WDR33: variants seen among roughly 807,000 people sequenced by gnomAD.
WDR33 encodes WD repeat domain 33.
Under a neutral mutation model 164.9 loss-of-function variants are expected in WDR33, and 47 were observed. That is an observed-to-expected ratio of 0.29 (90% CI 0.23 to 0.36). The LOEUF (loss-of-function observed/expected upper bound fraction) is 0.36. Ranked by LOEUF, WDR33 falls within the 10% of genes least tolerant of loss-of-function variation. The probability of loss-of-function intolerance (pLI) is 1.00; values close to 1 mark genes in which losing one functional copy is unlikely to be tolerated. For synonymous variants in WDR33, 505 were observed against 589.0 expected (o/e 0.86, Z 2.06); for missense variants, 1,137 against 1,754.1 (o/e 0.65, Z 6.28).
chr2:127,741,894 G>A lies in WDR33; in HGVS notation c.725-15117C>T, dbSNP rs1207436503. ...CTAGAAATTCTTGAAAAGTAAACATGCAGTTGATAAAAATAACACTTTCCG... is the reference window on the plus strand; with the variant it reads ...CTAGAAATTCTTGAAAAGTAAACATACAGTTGATAAAAATAACACTTTCCG... On this transcript the variant is annotated intron_variant, in intron 7 of 21. Coordinates refer to ENST00000322313, the MANE Select transcript of WDR33 (RefSeq NM_018383.5). This position sits in a 1 kb window ranked among gnomAD's most constrained non-coding sequence, Gnocchi z 4.1. Among the ~76,000 whole-genome samples the A allele has an allele frequency of 1.3e-5, 2 of 152,114 alleles. No individual in the cohort carries two copies. The highest frequency in any genetic ancestry group is 2.9e-5 in the Non-Finnish European group (2 of 68,028).
intron 7 of WDR33, among the ~76,000 whole-genome samples, chr2:127,729,462 GCAGA>G (rs1250072628): frequency 6.6e-6 from 1 of 151,854 alleles, no homozygotes; most frequent in Non-Finnish European, 1.5e-5. Flanking sequence ...ATAGTACCTA[GCAGA>G]CAGTGAATTG....
chr2:127,701,363 G>T lies in WDR33; in HGVS notation c.*4960C>A. On this transcript the variant is annotated 3_prime_UTR_variant, in exon 22 of 22. Transcript: ENST00000322313. ...CAGCACCTGCGACCACGGTACTTGG[G>T]GACACCACAAAAGTCCGCAGAGCAG... The T allele has an allele frequency of 1.8e-6, 1 of 565,400 alleles. No individual in the cohort carries two copies. 35.0% of individuals were successfully genotyped at this position (565,400 alleles called of 1,614,324 possible).
chr2:127,791,116 A>G (rs962069886), intron 1 of WDR33, among the ~76,000 whole-genome samples: 10 of 151,610 alleles, frequency 6.6e-5, no homozygotes, highest in African/African-American at 2.2e-4. Flanking sequence ...AAATTGCCCT[A>G]CTTCTATAAA....
At chr2:127,727,562 T>C (rs943650088) in intron 7 of WDR33, among the ~76,000 whole-genome samples, 3 of 152,106 alleles carry the variant, frequency 2.0e-5, no homozygotes, top group Non-Finnish European at 4.4e-5. Context: ...TCCCTGAGCC[T>C]GGTCCATGGG....
rs772396628 is a variant in WDR33, at chr2:127,713,697, T to C, written c.3194A>G (p.Asp1065Gly). ...PPDHREFSEG[D>G]GRGAARGPPG... ...AGGGCCTCGGGCTGCACCCCGGCCA[T>C]CCCCCTCGCTGAATTCCCTGTGATC... Residue 1065 changes from aspartate (D) to glycine (G), a missense_variant, in exon 18 of 22, where the codon GAT (aspartate) becomes GGT (glycine). This residue lies in a region of WDR33 where 867 missense variants were observed against 1,073.0 expected (regional missense o/e 0.81). Coordinates refer to ENST00000322313, the MANE Select transcript of WDR33 (RefSeq NM_018383.5). The surrounding 1 kb of genome is among the most constrained non-coding windows in gnomAD (Gnocchi z 6.2). 3 of 1,614,124 alleles carry C rather than the reference T, an allele frequency of 1.9e-6. No homozygotes were observed. Among genetic ancestry groups the C allele is most frequent in the Non-Finnish European group, 1.7e-6 (2 of 1,179,994 alleles).
At chr2:127,785,162 TTTG>T (rs1469581508) in intron 1 of WDR33, among the ~76,000 whole-genome samples, 1 of 152,174 alleles carries the variant, frequency 6.6e-6, no homozygotes, top group African/African-American at 2.4e-5. Context: ...TTCTATGGTC[TTTG>T]TTATTTAGAG....
rs186253087 is a variant in WDR33, at chr2:127,775,687, C to T, written c.-23-4683G>A. 1.5e-3 allele frequency among the ~76,000 whole-genome samples: 223 copies of T among 152,264 alleles called. 2 individuals carry two copies. Among genetic ancestry groups the T allele is most frequent in the South Asian group, 0.015 (70 of 4,820 alleles). ...CTTACACTCTTTGGAATAATTCACA[C>T]GTTAAAGCTACAGAAAAATATCAAT... On this transcript the variant is annotated intron_variant, in intron 1 of 21. Transcript: ENST00000322313.
chr2:127,729,915 AG>A, intron 7 of WDR33, among the ~76,000 whole-genome samples: 1 of 152,368 alleles, frequency 6.6e-6, no homozygotes, highest in Non-Finnish European at 1.5e-5. Context: ...ATATGAAAAA[AG>A]TATGTGTAGC....
intron 7 of WDR33, chr2:127,736,526 A>C (rs1686848170): frequency 3.0e-6 from 3 of 985,446 alleles, no homozygotes; most frequent in Non-Finnish European, 3.6e-6. Context: ...ATGCACCATA[A>C]ATCTGGCAGT....
rs116680671 is a variant in WDR33, at chr2:127,712,439, A to T, written c.3308+1144T>A. Among the ~76,000 whole-genome samples, 1,052 of 152,122 alleles carry T rather than the reference A, an allele frequency of 6.9e-3. 10 individuals carry two copies. Among genetic ancestry groups the T allele is most frequent in the African/African-American group, 0.024 (1,001 of 41,496 alleles). Reference sequence around the variant, plus strand: ...AAGAAATGGGATGAAAGGACACGGAAGGCTAAGGAGTAATCAGAGACTATA... The same window carrying T: ...AAGAAATGGGATGAAAGGACACGGATGGCTAAGGAGTAATCAGAGACTATA... On this transcript the variant is annotated intron_variant, in intron 18 of 21. Coordinates refer to ENST00000322313, the MANE Select transcript of WDR33 (RefSeq NM_018383.5). The surrounding 1 kb of genome is among the most constrained non-coding windows in gnomAD (Gnocchi z 4.0).
intron 7 of WDR33, among the ~76,000 whole-genome samples, chr2:127,728,958 A>G (rs1168866601): frequency 6.6e-6 from 1 of 152,216 alleles, no homozygotes; most frequent in Non-Finnish European, 1.5e-5. Context: ...CTATGAACCC[A>G]AAAGGAACCA....
intron 7 of WDR33, among the ~76,000 whole-genome samples, chr2:127,760,265 T>C (rs75817336): frequency 0.014 from 2,177 of 152,270 alleles, 65 homozygotes; most frequent in African/African-American, 0.051. Context: ...TTATTTTGGA[T>C]TTTCTGAATA....
Position 127,764,013 on chromosome 2 carries a change from T to C in WDR33, c.626+815A>G. ...ACAGTGGATGATGTTTCCATAAAGA[T>C]GTCAACCTCCTCCCACACATGGGTG... On this transcript the variant is annotated intron_variant, in intron 6 of 21. Transcript: ENST00000322313. The surrounding 1 kb of genome is among the most constrained non-coding windows in gnomAD (Gnocchi z 6.2). The C allele has an allele frequency of 5.1e-6, 5 of 986,244 alleles. No homozygotes were observed. The highest frequency in any genetic ancestry group is 4.8e-6 in the Non-Finnish European group (4 of 830,558). The allele number at this position is 986,244 out of a possible 1,614,324, so 61.1% of individuals were successfully genotyped here.
chr2:127,724,455 C>T lies in WDR33; in HGVS notation c.1086-12G>A, dbSNP rs771599528. The T allele has an allele frequency of 6.1e-5, 98 of 1,609,654 alleles. No individual in the cohort carries two copies. The highest frequency in any genetic ancestry group is 2.7e-5 in the Non-Finnish European group (32 of 1,176,676). ...CTTCCTTCTCTACCCTGCAACAGCA[C>T]CAAAGAGAGAAGATTTGTTCACAAA... is the stretch of plus-strand genomic sequence containing the variant. On this transcript the variant is annotated splice_polypyrimidine_tract_variant and intron_variant, in intron 10 of 21. Coordinates refer to ENST00000322313, the MANE Select transcript of WDR33 (RefSeq NM_018383.5). This position sits in a 1 kb window ranked among gnomAD's most constrained non-coding sequence, Gnocchi z 4.8.
Position 127,720,287 on chromosome 2 carries a change from T to C in WDR33, c.1738A>G (p.Thr580Ala), listed in dbSNP as rs1686405827. 3 of 1,524,200 alleles carry C rather than the reference T, an allele frequency of 2.0e-6. No homozygotes were observed. The highest frequency in any genetic ancestry group is 2.8e-5 in the African/African-American group (2 of 71,986). The allele number at this position is 1,524,200 out of a possible 1,614,324, so 94.4% of individuals were successfully genotyped here. ...EQIQPPPSSG[T>A]PLLGPQPFPG... ...AAAGGCTGGGGTCCGAGGAGAGGGGTGCCAGATGAGGGAGGAGGCTGAATT... is the reference window on the plus strand; with the variant it reads ...AAAGGCTGGGGTCCGAGGAGAGGGGCGCCAGATGAGGGAGGAGGCTGAATT... The change falls in exon 16 of 22, where the codon ACC becomes GCC. Residue 580 changes from threonine to alanine, a missense_variant. Thr to Ala is a moderately conservative substitution (Grantham distance 58, BLOSUM62 0). Coordinates refer to ENST00000322313, the MANE Select transcript of WDR33 (RefSeq NM_018383.5). The surrounding 1 kb of genome is among the most constrained non-coding windows in gnomAD (Gnocchi z 5.9).
rs397763436 is a variant in WDR33, at chr2:127,725,231, CA to C, written c.852-17del. 4.2e-4 allele frequency: 649 copies of C among 1,550,028 alleles called. 6 individuals carry two copies. Among genetic ancestry groups the C allele is most frequent in the South Asian group, 3.6e-3 (297 of 82,380 alleles). The stretch of plus-strand genomic sequence containing the variant: ...ATGGGCATGACTAGAAACAAAGTAT[CA>C]AAAAAAAATGTCAGAATTCAAAACA... On this transcript the variant is annotated splice_polypyrimidine_tract_variant and intron_variant, in intron 8 of 21. Coordinates refer to ENST00000322313, the MANE Select transcript of WDR33 (RefSeq NM_018383.5).
At position 127,721,618 on chromosome 2, in the gene WDR33, TA is replaced by T. The variant is rs773530244; in HGVS notation, c.1671+217del. On this transcript the variant is annotated intron_variant, in intron 15 of 21. Transcript: ENST00000322313. The surrounding 1 kb of genome is among the most constrained non-coding windows in gnomAD (Gnocchi z 4.9). The stretch of plus-strand genomic sequence containing the variant: ...ACAGGGCATGACTCTGTCTCTAAAA[TA>T]AAATAAATAAAACAAAATACATAAA... 4.3e-4 allele frequency among the ~76,000 whole-genome samples: 66 copies of T among 152,206 alleles called. No homozygotes were observed. Among genetic ancestry groups the T allele is most frequent in the Non-Finnish European group, 7.1e-4 (48 of 67,994 alleles).
chr2:127,711,179 C>T (rs1686151477), intron 18 of WDR33, among the ~76,000 whole-genome samples: 1 of 152,144 alleles, frequency 6.6e-6, no homozygotes, highest in Admixed American at 6.5e-5. Flanking sequence ...AATCCCAGCA[C>T]TTTGGGAGGC....
Position 127,722,920 on chromosome 2 carries a change from T to G in WDR33, c.1378+38A>C. ...GGAACATAAACGGGTCAAGAAAAAA[T>G]TTGTAAAAATTAAATGTGTCTGTGT... On this transcript the variant is annotated intron_variant, in intron 13 of 21. Transcript: ENST00000322313. The surrounding 1 kb of genome is among the most constrained non-coding windows in gnomAD (Gnocchi z 5.1). 6.4e-7 allele frequency: 1 copy of G among 1,564,134 alleles called. No individual in the cohort carries two copies. Among genetic ancestry groups the G allele is most frequent in the Non-Finnish European group, 8.6e-7 (1 of 1,156,958 alleles).
Sources: allele counts gnomAD v4.1 joint callset (sites outside exome capture counted in the v4.1 genomes callset), GRCh38; gene constraint gnomAD v4.1.1; regional missense constraint gnomAD v4.1.1; non-coding constraint Gnocchi (gnomAD v3.1); transcripts MANE v1.5; gene names NCBI Gene and HGNC (gene_info 2026-07-23, HGNC 2026-07-21).